Variants in LEKR1 observed in about 807,000 individuals in gnomAD.
LEKR1 encodes leucine, glutamate and lysine rich 1, also known as protein LEKR1.
In LEKR1, 59 loss-of-function variants were observed where a neutral mutation model predicts 72.4. The observed-to-expected ratio is 0.82, with a 90% CI of 0.66 to 1.01. The LOEUF (loss-of-function observed/expected upper bound fraction) is 1.01. Among genes scored for constraint, LEKR1 ranks in the 50% least tolerant of loss-of-function variants. LEKR1 has a pLI of 0.00. For missense variants in LEKR1, 728 were observed against 759.2 expected, an observed-to-expected ratio of 0.96 and a Z score of 0.48; for synonymous variants, 257 against 263.2, an observed-to-expected ratio of 0.98 and a Z score of 0.23.
intron 6 of LEKR1, chr3:156,977,776 C>A: frequency 4.4e-6 from 1 of 226,798 alleles, no homozygotes; most frequent in South Asian, 7.9e-5. Flanking sequence ...ACCACAGCTT[C>A]TGTTCTGACC....
intron 5 of LEKR1, among the ~76,000 whole-genome samples, chr3:156,930,382 T>A (rs1168920961): frequency 6.6e-6 from 1 of 152,092 alleles, no homozygotes; most frequent in African/African-American, 2.4e-5. Context: ...AAAGCAAGCA[T>A]TATTATTTTG....
intron 3 of LEKR1, among the ~76,000 whole-genome samples, chr3:156,873,494 C>T (rs752798121): frequency 7.9e-5 from 12 of 152,000 alleles, no homozygotes; most frequent in Non-Finnish European, 1.5e-4. Context: ...TCCCCTCTTT[C>T]TCCCTTCTTG....
chr3:156,936,682 A>G (rs555881612), intron 5 of LEKR1, among the ~76,000 whole-genome samples: 3 of 152,178 alleles, frequency 2.0e-5, no homozygotes, highest in Non-Finnish European at 4.4e-5. Flanking sequence ...CCAGAAAAAT[A>G]TACTCAACTG....
chr3:156,999,523 C>T (rs778133778), intron 9 of LEKR1, among the ~76,000 whole-genome samples: 12 of 152,260 alleles, frequency 7.9e-5, no homozygotes, highest in South Asian at 2.1e-4. Flanking sequence ...CTTGCCTTCA[C>T]GGCACCCTGT....
rs1369488802 is a variant in LEKR1, at chr3:156,859,291, G to GTA, written c.263+6314_263+6315dup. On this transcript the variant is annotated intron_variant, in intron 3 of 12. Transcript: ENST00000356539. ...CTATGTCAAAATTAAGTTCATGGGG[G>GTA]TATATAAAACCATCTTTTTAGATTT... is the stretch of plus-strand genomic sequence containing the variant. 5.9e-5 allele frequency among the ~76,000 whole-genome samples: 9 copies of GTA among 152,094 alleles called. No homozygotes were observed. In the East Asian group the frequency reaches 1.7e-3, roughly 29 times the overall value.
chr3:157,011,681 A>G (rs920676190), intron 10 of LEKR1, among the ~76,000 whole-genome samples, 175 bp downstream of exon 10: 1 of 152,148 alleles, frequency 6.6e-6, no homozygotes, highest in African/African-American at 2.4e-5. Context: ...AAAATATTAG[A>G]CAACATAATG....
At chr3:156,970,432 A>C (rs1729056180) in intron 6 of LEKR1, among the ~76,000 whole-genome samples, 1 of 152,172 alleles carries the variant, frequency 6.6e-6, no homozygotes, top group African/African-American at 2.4e-5. Context: ...GGTAATGCCT[A>C]GGTTTTCTTC....
At position 157,045,432 on chromosome 3, in the gene LEKR1, G is replaced by C; in HGVS notation, c.1761G>C (p.Glu587Asp). The C allele has an allele frequency of 3.1e-6, 5 of 1,614,132 alleles. No homozygotes were observed. The highest frequency in any genetic ancestry group is 4.2e-6 in the Non-Finnish European group (5 of 1,180,020). Residue 587 changes from glutamate to aspartate, a missense_variant, in exon 13 of 13, where the codon GAG becomes GAC. Glu to Asp is a conservative substitution (Grantham distance 45). Coordinates refer to ENST00000356539, the MANE Select transcript of LEKR1 (RefSeq NM_001004316.3). ...GTCAAGCCAGAGAACAGCTCCTGGAGCTCAGTAAGCTTCGTGGAAGTTTAC... is the reference window on the plus strand; with the variant it reads ...GTCAAGCCAGAGAACAGCTCCTGGACCTCAGTAAGCTTCGTGGAAGTTTAC... Reference protein sequence around the residue: ...ALSQAREQLLELSKLRGSLPF... With the variant: ...ALSQAREQLLDLSKLRGSLPF...
At chr3:156,957,910 C>T (rs1289865529) in intron 6 of LEKR1, among the ~76,000 whole-genome samples, 3 of 152,006 alleles carry the variant, frequency 2.0e-5, no homozygotes, top group Non-Finnish European at 1.5e-5. Flanking sequence ...ATGCCTGACC[C>T]CACATAATTT....
chr3:157,021,347 C>G (rs1308847889), intron 10 of LEKR1, among the ~76,000 whole-genome samples: 3 of 151,834 alleles, frequency 2.0e-5, no homozygotes, highest in Admixed American at 2.0e-4. Flanking sequence ...GACATGAAGT[C>G]CTTGCCCATG....
intron 3 of LEKR1, among the ~76,000 whole-genome samples, chr3:156,857,996 G>A (rs1716280281): frequency 6.6e-6 from 1 of 152,096 alleles, no homozygotes; most frequent in African/African-American, 2.4e-5. Context: ...TTTTGTAGGG[G>A]GAGGGTTGGT....
intron 10 of LEKR1, among the ~76,000 whole-genome samples, chr3:157,016,332 T>A (rs925758110): frequency 6.6e-6 from 1 of 152,118 alleles, no homozygotes; most frequent in African/African-American, 2.4e-5. Context: ...AGCAACTGGA[T>A]TTTTTAAAAG....
At chr3:156,953,161 T>C in intron 6 of LEKR1, among the ~76,000 whole-genome samples, 1 of 105,418 alleles carries the variant, frequency 9.5e-6, no homozygotes, top group Admixed American at 1.2e-4. Flanking sequence ...AGGGGAGTCT[T>C]TAAAAAAAAA....
intron 4 of LEKR1, chr3:156,924,917 G>C (rs540141167): frequency 6.4e-6 from 1 of 155,670 alleles, no homozygotes; most frequent in African/African-American, 2.4e-5. Context: ...AATTGTTTTT[G>C]CTATTCTGCG....
At chr3:156,945,325 T>C (rs1726584014) in intron 6 of LEKR1, among the ~76,000 whole-genome samples, 2 of 151,916 alleles carry the variant, frequency 1.3e-5, no homozygotes, top group African/African-American at 4.8e-5. Context: ...TATTAATCCC[T>C]TGTCAGATGG....
At chr3:156,901,940 T>C (rs956322685) in intron 3 of LEKR1, among the ~76,000 whole-genome samples, 1 of 152,186 alleles carries the variant, frequency 6.6e-6, no homozygotes. Context: ...CGCCTTGGCC[T>C]CCCAAAGTGC....
At chr3:156,904,215 A>G (rs1308464705) in intron 3 of LEKR1, among the ~76,000 whole-genome samples, 2 of 152,222 alleles carry the variant, frequency 1.3e-5, no homozygotes, top group Non-Finnish European at 2.9e-5. Flanking sequence ...GATTTTATTA[A>G]GGATACTTTA....
At chr3:156,924,483 T>A (rs1222236707) in intron 4 of LEKR1, 2 of 657,880 alleles carry the variant, frequency 3.0e-6, no homozygotes, top group Admixed American at 4.4e-5. Context: ...ATATAATTTA[T>A]CTGTTTTATA....
At chr3:156,948,348 T>TA (rs2107973384) in intron 6 of LEKR1, among the ~76,000 whole-genome samples, 1 of 151,320 alleles carries the variant, frequency 6.6e-6, no homozygotes, top group Admixed American at 6.6e-5. Context: ...TATATTTGTT[T>TA]TATATCCATG....
Sources: allele counts gnomAD v4.1 joint callset (sites outside exome capture counted in the v4.1 genomes callset), GRCh38; gene constraint gnomAD v4.1.1; transcripts MANE v1.5; gene names NCBI Gene and HGNC (gene_info 2026-07-23, HGNC 2026-07-21).